SSPN: variants seen among roughly 807,000 people sequenced by gnomAD.
The protein encoded by SSPN is sarcospan.
SSPN carries 15 observed loss-of-function variants against 19.1 expected under a neutral mutation model. The observed-to-expected ratio is 0.78, with a 90% CI of 0.52 to 1.21. The LOEUF (loss-of-function observed/expected upper bound fraction) is 1.21. Ranked by LOEUF, SSPN falls within the 50% of genes most tolerant of loss-of-function variation. The probability of loss-of-function intolerance (pLI) is 0.00; values close to 1 mark genes in which losing one functional copy is unlikely to be tolerated. For missense variants in SSPN, 291 were observed against 314.0 expected (o/e 0.93, Z 0.55); for synonymous variants, 147 against 140.3 (o/e 1.05, Z -0.34).
intron 1 of SSPN, chr12:26,123,083 T>C (rs148883856): frequency 5.0e-6 from 8 of 1,602,502 alleles, no homozygotes; most frequent in Middle Eastern, 1.6e-4. Flanking sequence ...GGGAGAGGTA[T>C]TGCAAGACTT....
Position 26,230,824 on chromosome 12 carries a change from C to T in SSPN, c.480C>T (p.Asp160=), listed in dbSNP as rs1221240432. ...LTQFTCETTL[D]SCQCKLPSSE... ...AGTTTACCTGTGAGACCACACTCGA[C>T]TCTTGCCAGTGCAAACTGCCCTCCT... The change falls in exon 3 of 3, where the codon GAC becomes GAT. Residue 160 remains aspartate, a synonymous_variant. Coordinates refer to ENST00000242729, the MANE Select transcript of SSPN (RefSeq NM_005086.5). The T allele has an allele frequency of 1.2e-6, 2 of 1,614,132 alleles. No individual in the cohort carries two copies. The highest frequency in any genetic ancestry group is 2.7e-5 in the African/African-American group (2 of 74,952).
intron 1 of SSPN, among the ~76,000 whole-genome samples, chr12:26,201,669 A>T (rs907904061): frequency 1.3e-5 from 2 of 152,140 alleles, no homozygotes; most frequent in Non-Finnish European, 2.9e-5. Flanking sequence ...TTGTGGATAT[A>T]TTCAACTCAG....
chr12:26,163,362 G>A (rs2137426538), intron 1 of SSPN, among the ~76,000 whole-genome samples: 1 of 152,316 alleles, frequency 6.6e-6, no homozygotes, highest in East Asian at 1.9e-4. Flanking sequence ...TTGGGTGAAT[G>A]TCTAGCACAA....
intron 1 of SSPN, among the ~76,000 whole-genome samples, chr12:26,136,886 G>C (rs1465461799): frequency 6.6e-6 from 1 of 152,216 alleles, no homozygotes; most frequent in African/African-American, 2.4e-5. Flanking sequence ...ACATTTATGT[G>C]CAAATTGGGG....
intron 1 of SSPN, among the ~76,000 whole-genome samples, chr12:26,221,252 C>T (rs911895406): frequency 1.3e-5 from 2 of 152,210 alleles, no homozygotes; most frequent in Non-Finnish European, 2.9e-5. Context: ...TAGCCACTTT[C>T]TGCATATCCT....
intron 1 of SSPN, among the ~76,000 whole-genome samples, chr12:26,175,007 A>G (rs1944675856): frequency 6.6e-6 from 1 of 152,170 alleles, no homozygotes; most frequent in African/African-American, 2.4e-5. Flanking sequence ...TAGGGATATT[A>G]CAAATAAAGT....
Position 26,145,673 on chromosome 12 carries a change from G to A in SSPN, c.-31+23521G>A, listed in dbSNP as rs116803805. Among the ~76,000 whole-genome samples the A allele has an allele frequency of 2.9e-3, 438 of 152,274 alleles. 1 individual carries two copies. The highest frequency in any genetic ancestry group is 1.0e-2 in the African/African-American group (414 of 41,568). ...TGTGAGTCCTGCAGTCTTGGACATGGGCATGCAGTTCCGCTTATGAGGCAA... is the reference window on the plus strand; with the variant it reads ...TGTGAGTCCTGCAGTCTTGGACATGAGCATGCAGTTCCGCTTATGAGGCAA... On this transcript the variant is annotated intron_variant, in intron 1 of 2. Coordinates refer to the SSPN transcript ENST00000538142.
chr12:26,139,831 T>C (rs566653348), intron 1 of SSPN, among the ~76,000 whole-genome samples: 28 of 152,348 alleles, frequency 1.8e-4, no homozygotes, highest in African/African-American at 6.3e-4. Context: ...TAATTCGTCA[T>C]AGTGTGGAGT....
At chr12:26,129,393 T>C (rs1415379989) in intron 1 of SSPN, among the ~76,000 whole-genome samples, 2 of 152,152 alleles carry the variant, frequency 1.3e-5, no homozygotes, top group Non-Finnish European at 2.9e-5. Flanking sequence ...TCCCTAGGAA[T>C]TTCGGCTCTT....
intron 1 of SSPN, among the ~76,000 whole-genome samples, chr12:26,221,572 G>T (rs778336782): frequency 2.6e-5 from 4 of 151,130 alleles, no homozygotes; most frequent in Non-Finnish European, 5.9e-5. Flanking sequence ...CTTTCTGGAA[G>T]CCAGGGTAAA....
In SSPN at chr12:26,232,730, A is replaced by G. The variant is rs569184609; in HGVS notation, c.*1654A>G. On this transcript the variant is annotated 3_prime_UTR_variant, in exon 3 of 3. Transcript: ENST00000242729. ...TAAATATCTTTTATGTCCTCTAGAT[A>G]AAACACCCGATTAACAGATGTTAAA... The G allele has an allele frequency of 2.0e-6, 2 of 984,572 alleles. No individual in the cohort carries two copies. Among genetic ancestry groups the G allele is most frequent in the South Asian group, 4.7e-5 (1 of 21,276 alleles). 61.0% of individuals were successfully genotyped at this position (984,572 alleles called of 1,614,324 possible). A position where few individuals can be genotyped will look rare whatever the true frequency, so the allele number is the denominator to read the frequency against.
chr12:26,227,231 G>A (rs922880738), intron 2 of SSPN, among the ~76,000 whole-genome samples: 11 of 152,122 alleles, frequency 7.2e-5, no homozygotes, highest in Non-Finnish European at 1.5e-5. Flanking sequence ...AAGGAAAAAT[G>A]CCACAGCGCT....
chr12:26,185,194 A>G (rs1300991139), intron 1 of SSPN, among the ~76,000 whole-genome samples: 2 of 152,236 alleles, frequency 1.3e-5, no homozygotes, highest in African/African-American at 4.8e-5. Context: ...CTGCCTGTAT[A>G]GCATTCTTTC....
exon 1 of SSPN, chr12:26,122,134 G>A: frequency 6.5e-7 from 1 of 1,548,692 alleles, no homozygotes; most frequent in Non-Finnish European, 8.7e-7. Context: ...CCCGGCTCGC[G>A]GGGCCCGGCG....
chr12:26,150,771 A>AT lies in SSPN; in HGVS notation c.-31+28626dup, dbSNP rs572920761. Among the ~76,000 whole-genome samples the AT allele has an allele frequency of 5.3e-4, 81 of 152,204 alleles. No homozygotes were observed. In the East Asian group the frequency reaches 0.014, roughly 25 times the overall value. On this transcript the variant is annotated intron_variant, in intron 1 of 2. Transcript: ENST00000538142. ...TTTGGAAGGAGGCATAAGGCTTTTG[A>AT]TTTTTTTAGCCCTCTCTTAAGACCT...
At chr12:26,151,794 A>G (rs148464153) in intron 1 of SSPN, among the ~76,000 whole-genome samples, 1 of 152,336 alleles carries the variant, frequency 6.6e-6, no homozygotes, top group East Asian at 1.9e-4. Context: ...GAAAAAAAAT[A>G]TATCTTAAAA....
At chr12:26,186,121 G>A (rs1944752112) in intron 1 of SSPN, among the ~76,000 whole-genome samples, 2 of 152,102 alleles carry the variant, frequency 1.3e-5, no homozygotes, top group Admixed American at 1.3e-4. Flanking sequence ...CAAGTGTTGA[G>A]CTTAGCTTGG....
intron 1 of SSPN, among the ~76,000 whole-genome samples, chr12:26,201,908 C>T (rs1052700811): frequency 1.3e-5 from 2 of 152,094 alleles, no homozygotes; most frequent in African/African-American, 4.8e-5. Context: ...ATTATCAGAG[C>T]TTCTGTTTGA....
intron 1 of SSPN, among the ~76,000 whole-genome samples, chr12:26,186,070 G>C (rs373725863): frequency 2.0e-5 from 3 of 152,292 alleles, no homozygotes; most frequent in African/African-American, 7.2e-5. Context: ...GCAAAAGTTA[G>C]TCTTTAGAAA....
Sources: gnomAD v4.1 joint callset for allele counts (sites outside exome capture counted in the v4.1 genomes callset) on GRCh38, gnomAD v4.1.1 for gene constraint, MANE v1.5 for transcripts, NCBI Gene and HGNC (gene_info 2026-07-23, HGNC 2026-07-21) for gene names.